The following ZFR variants were observed in gnomAD, a reference collection of about 807,000 sequenced individuals.
The protein encoded by ZFR is zinc finger RNA-binding protein.
A neutral mutation model predicts 130.7 loss-of-function variants in ZFR; 19 were observed. The observed-to-expected ratio is 0.15, with a 90% CI of 0.10 to 0.21. ZFR has a LOEUF of 0.21. ZFR is among the 10% of genes least tolerant of loss of function. ZFR has a pLI of 1.00. For synonymous variants in ZFR, 466 were observed against 456.9 expected, an observed-to-expected ratio of 1.02 and a Z score of -0.25; for missense variants, 872 against 1,321.5, an observed-to-expected ratio of 0.66 and a Z score of 5.27.
intron 9 of ZFR, among the ~76,000 whole-genome samples, chr5:32,398,921 C>G (rs566063608): frequency 3.5e-4 from 53 of 152,122 alleles, no homozygotes; most frequent in African/African-American, 1.2e-3. Flanking sequence ...AGCCACTGTG[C>G]CTGGCCATCC....
chr5:32,435,573 C>T (rs1754315028), intron 2 of ZFR, among the ~76,000 whole-genome samples: 3 of 152,130 alleles, frequency 2.0e-5, no homozygotes, highest in Non-Finnish European at 2.9e-5. Flanking sequence ...GTAAGAGAAG[C>T]TATAAAGCCA....
intron 6 of ZFR, among the ~76,000 whole-genome samples, chr5:32,406,402 A>C (rs1407274751): frequency 6.6e-6 from 1 of 152,216 alleles, no homozygotes; most frequent in Admixed American, 6.5e-5. Flanking sequence ...TATTAAGTTA[A>C]AGAATTTTGA....
chr5:32,409,869 T>C (rs538473199), intron 5 of ZFR, among the ~76,000 whole-genome samples: 314 of 152,022 alleles, frequency 2.1e-3, no homozygotes, highest in African/African-American at 5.7e-3. Flanking sequence ...CCAAGCGTGG[T>C]GGTGTGCCTG....
At chr5:32,415,712 C>T (rs1163405903) in intron 4 of ZFR, among the ~76,000 whole-genome samples, 2 of 152,126 alleles carry the variant, frequency 1.3e-5, no homozygotes, top group African/African-American at 4.8e-5. Context: ...CAAGGTACTA[C>T]ATAATTTTTC....
intron 19 of ZFR, among the ~76,000 whole-genome samples, chr5:32,363,063 T>C (rs1448373229): frequency 6.6e-6 from 1 of 152,210 alleles, no homozygotes; most frequent in African/African-American, 2.4e-5. Context: ...AATATTCTAT[T>C]ACTACTCTCT....
Position 32,437,460 on chromosome 5 carries a change from A to G in ZFR, c.137+6769T>C, listed in dbSNP as rs1561929806. 2.6e-5 allele frequency among the ~76,000 whole-genome samples: 4 copies of G among 152,236 alleles called. No homozygotes were observed. The South Asian group carries it at 8.3e-4, about 31-fold the overall frequency. The stretch of plus-strand genomic sequence containing the variant: ...CATTCATTTTATCTCTGTATGAATA[A>G]AAGCTGTACTGTACATGGCTTTCAT... On this transcript the variant is annotated intron_variant, in intron 2 of 19. Coordinates refer to ENST00000265069, the MANE Select transcript of ZFR (RefSeq NM_016107.5).
At position 32,406,922 on chromosome 5, in the gene ZFR, G is replaced by A. The variant is rs770656352; in HGVS notation, c.884C>T (p.Ala295Val). 2.5e-6 allele frequency: 4 copies of A among 1,605,316 alleles called. No homozygotes were observed. The highest frequency in any genetic ancestry group is 3.4e-6 in the Non-Finnish European group (4 of 1,177,976). The change falls in exon 6 of 20, where the codon GCT (alanine) becomes GTT (valine). Residue 295 changes from alanine to valine, a missense_variant. Ala to Val is a moderately conservative substitution (Grantham distance 64, BLOSUM62 0). This residue lies in a region of ZFR where 240 missense variants were observed against 441.2 expected (regional missense o/e 0.54). Transcript: ENST00000265069. ...CCAGGCAGCTGTTGCAGCAGCAGCA[G>A]CAGCTGCTGCTGCTGCCTGCTTCTG... ...QQQKQAAAAA[A>V]AAAATAAWTG...
At chr5:32,382,367 C>T (rs1242707647) in intron 15 of ZFR, among the ~76,000 whole-genome samples, 1 of 152,064 alleles carries the variant, frequency 6.6e-6, no homozygotes, top group Non-Finnish European at 1.5e-5. Context: ...AGCTGACTTC[C>T]CCAAAGCAGT....
At chr5:32,403,561 AG>A (rs1753515722) in intron 7 of ZFR, among the ~76,000 whole-genome samples, 164 bp from the exon 8 acceptor site, 1 of 152,206 alleles carries the variant, frequency 6.6e-6, no homozygotes. Flanking sequence ...ATTACTTTCA[AG>A]ATAATCTCTG....
chr5:32,392,464 TTAATAA>T (rs1401678160), intron 11 of ZFR, among the ~76,000 whole-genome samples: 2 of 152,156 alleles, frequency 1.3e-5, no homozygotes, highest in South Asian at 2.1e-4. Context: ...AAAAGGATTA[TTAATAA>T]TAACAACGTA....
intron 2 of ZFR, among the ~76,000 whole-genome samples, chr5:32,435,716 T>C (rs1754317420): frequency 6.6e-6 from 1 of 152,232 alleles, no homozygotes; most frequent in South Asian, 2.1e-4. Flanking sequence ...CATTTAATGC[T>C]GACTACCATA....
chr5:32,419,519 G>C (rs1262019588), intron 3 of ZFR, among the ~76,000 whole-genome samples: 2 of 152,104 alleles, frequency 1.3e-5, no homozygotes, highest in African/African-American at 4.8e-5. Context: ...TGTATTTTTA[G>C]CAGAGACGGG....
intron 2 of ZFR, among the ~76,000 whole-genome samples, chr5:32,438,623 T>C (rs1307684719): frequency 6.6e-6 from 1 of 152,192 alleles, no homozygotes; most frequent in Non-Finnish European, 1.5e-5. Flanking sequence ...TATTCTTGCC[T>C]GACAAGCATA....
intron 11 of ZFR, among the ~76,000 whole-genome samples, chr5:32,394,761 C>G (rs1753262531): frequency 2.0e-5 from 3 of 152,020 alleles, no homozygotes; most frequent in Admixed American, 6.6e-5. Context: ...AATATGTTTT[C>G]TCAATTCTCC....
chr5:32,419,638 G>A (rs913806113), intron 3 of ZFR, among the ~76,000 whole-genome samples, 183 bp downstream of exon 3: 3 of 151,976 alleles, frequency 2.0e-5, no homozygotes, highest in African/African-American at 7.2e-5. Flanking sequence ...GCGCCCAGCC[G>A]GCAAGGAACC....
chr5:32,418,417 C>G (rs913473981), intron 3 of ZFR, among the ~76,000 whole-genome samples: 1 of 152,046 alleles, frequency 6.6e-6, no homozygotes, highest in Non-Finnish European at 1.5e-5. Context: ...ATGGATCCTA[C>G]AATATTACAA....
chr5:32,384,062 T>C (rs1050860624), intron 15 of ZFR, among the ~76,000 whole-genome samples: 1 of 152,272 alleles, frequency 6.6e-6, no homozygotes, highest in Admixed American at 6.5e-5. Context: ...CTATTCACTT[T>C]AGACTTTTAC....
Position 32,397,311 on chromosome 5 carries a change from G to A in ZFR, c.1741C>T (p.Arg581Trp), listed in dbSNP as rs760352252. Residue 581 changes from arginine to tryptophan, a missense_variant, in exon 10 of 20, where the codon CGG (arginine) becomes TGG (tryptophan). Coordinates refer to ENST00000265069, the MANE Select transcript of ZFR (RefSeq NM_016107.5). ...CACTCGCATAATTTACAATGGAACC[G>A]AATTACTTTTCCTTCATCATTTCGT... ...EVRNDEGKVI[R>W]FHCKLCECSF... 6.2e-7 allele frequency: 1 copy of A among 1,612,762 alleles called. No individual in the cohort carries two copies.
chr5:32,416,505 T>C (rs1335230008), intron 4 of ZFR, among the ~76,000 whole-genome samples: 1 of 151,554 alleles, frequency 6.6e-6, no homozygotes, highest in Non-Finnish European at 1.5e-5. Flanking sequence ...TCCCAGCTAC[T>C]TGAGAGGCTG....
Sources: gnomAD v4.1 joint callset for allele counts (sites outside exome capture counted in the v4.1 genomes callset) on GRCh38, gnomAD v4.1.1 for gene constraint, gnomAD v4.1.1 regional missense constraint, MANE v1.5 for transcripts, NCBI Gene and HGNC (gene_info 2026-07-23, HGNC 2026-07-21) for gene names.